The following BNIP1 variants were observed in gnomAD, a reference collection of about 807,000 sequenced individuals.
BNIP1 encodes the protein BCL2 interacting protein 1, also known as vesicle transport protein SEC20.
In BNIP1, 25 loss-of-function variants were observed where a neutral mutation model predicts 28.5. That is an observed-to-expected ratio of 0.88 (90% confidence interval 0.64 to 1.23). The LOEUF is 1.23. Among genes scored for constraint, BNIP1 ranks in the 50% most tolerant of loss-of-function variants. The probability of loss-of-function intolerance (pLI) is 0.00; values close to 1 mark genes in which losing one functional copy is unlikely to be tolerated. For synonymous variants in BNIP1, 118 were observed against 101.7 expected (o/e 1.16, Z -0.96); for missense variants, 276 against 277.0 (o/e 1.00, Z 0.02).
chr5:173,146,914 A>C lies in BNIP1; in HGVS notation c.133A>C (p.Thr45Pro). The C allele has an allele frequency of 6.2e-7, 1 of 1,614,098 alleles. No individual in the cohort carries two copies. Among genetic ancestry groups the C allele is most frequent in the Non-Finnish European group, 8.5e-7 (1 of 1,179,972 alleles). ...GPLSALTELNTKVKEKFQQLR... is the reference protein window; with the variant it reads ...GPLSALTELNPKVKEKFQQLR... ...CTTAAGTGCTCTTACTGAACTGAAT[A>C]CTAAAGTAAAAGAGAAATTTCAACA... The change falls in exon 2 of 6, where the codon ACT becomes CCT. Residue 45 changes from threonine (T) to proline (P), a missense_variant. Coordinates refer to ENST00000351486, the MANE Select transcript of BNIP1 (RefSeq NM_001205.3).
intron 2 of BNIP1, chr5:173,151,447 C>T: frequency 3.8e-6 from 4 of 1,048,694 alleles, no homozygotes; most frequent in South Asian, 3.3e-5. Flanking sequence ...GACTTGAACT[C>T]CTGGACTCAA....
At chr5:173,159,441 T>C (rs1760298916) in intron 4 of BNIP1, among the ~76,000 whole-genome samples, 1 of 151,662 alleles carries the variant, frequency 6.6e-6, no homozygotes, top group Non-Finnish European at 1.5e-5. Flanking sequence ...TACATAAAAT[T>C]TCATATTCTG....
chr5:173,163,071 A>C (rs1760408115), intron 5 of BNIP1, among the ~76,000 whole-genome samples: 1 of 152,158 alleles, frequency 6.6e-6, no homozygotes, highest in Non-Finnish European at 1.5e-5. Flanking sequence ...CGCCAGGTAC[A>C]CCTTCTACCC....
intron 3 of BNIP1, among the ~76,000 whole-genome samples, chr5:173,155,043 G>GA (rs1324774790): frequency 6.6e-6 from 1 of 152,040 alleles, no homozygotes; most frequent in Admixed American, 6.6e-5. Context: ...ATTGGTACCA[G>GA]AAAAAATCTA....
chr5:173,154,353 A>G lies in BNIP1; in HGVS notation c.209A>G (p.Lys70Arg), dbSNP rs1760117662. ...DLEQLAKEQD[K>R]ESEKQLLLQE... is the part of the protein sequence containing the mutation. ...GAGCAGTTGGCTAAAGAGCAAGACA[A>G]AGAATCAGAGAAACAACTTCTACTC... The change falls in exon 3 of 6, where the codon AAA (lysine) becomes AGA (arginine). Residue 70 changes from lysine (K) to arginine (R), a missense_variant. Physicochemically the swap from Lys to Arg is conservative, Grantham distance 26. Transcript: ENST00000351486. 1 of 1,613,942 alleles carries G rather than the reference A, an allele frequency of 6.2e-7. No homozygotes were observed. Among genetic ancestry groups the G allele is most frequent in the African/African-American group, 1.3e-5 (1 of 74,930 alleles).
In BNIP1 at chr5:173,163,901, C is replaced by T. The variant is rs542484667; in HGVS notation, c.667C>T (p.Arg223Trp). 8.7e-6 allele frequency: 14 copies of T among 1,601,604 alleles called. No individual in the cohort carries two copies. The highest frequency in any genetic ancestry group is 2.3e-5 in the South Asian group (2 of 88,700). Reference sequence around the variant, plus strand: ...TACGGTCCTCTATATTGTGAAAAAGCGGCTCTTTCCATTTTTGTGAGATCC... The same window carrying T: ...TACGGTCCTCTATATTGTGAAAAAGTGGCTCTTTCCATTTTTGTGAGATCC... ...LATVLYIVKK[R>W]LFPFL is the part of the protein sequence containing the mutation. Residue 223 changes from arginine (R) to tryptophan (W), a missense_variant, in exon 6 of 6, where the codon CGG becomes TGG. Arg to Trp is a moderately radical substitution (Grantham distance 101, BLOSUM62 -3). Coordinates refer to ENST00000351486, the MANE Select transcript of BNIP1 (RefSeq NM_001205.3).
intron 5 of BNIP1, 68 bp downstream of exon 5, chr5:173,160,119 T>A: frequency 9.8e-6 from 14 of 1,431,728 alleles, no homozygotes; most frequent in Non-Finnish European, 1.4e-5. Flanking sequence ...CCCTGGCACC[T>A]CCACTCTGGG....
At chr5:173,154,435 C>T (rs1415237369) in intron 3 of BNIP1, 22 bp downstream of exon 3, 1 of 1,594,464 alleles carries the variant, frequency 6.3e-7, no homozygotes, top group East Asian at 2.2e-5. Context: ...CTGCCCCCGC[C>T]AGCGGCTTCT....
chr5:173,160,615 C>CAGAG (rs1315232928), intron 5 of BNIP1, among the ~76,000 whole-genome samples: 1 of 152,116 alleles, frequency 6.6e-6, no homozygotes, highest in Non-Finnish European at 1.5e-5. Flanking sequence ...ATGTGAAAGG[C>CAGAG]AGAGGTCCCA....
At chr5:173,162,660 T>A (rs1169241858) in intron 5 of BNIP1, among the ~76,000 whole-genome samples, 1 of 151,498 alleles carries the variant, frequency 6.6e-6, no homozygotes, top group African/African-American at 2.4e-5. Flanking sequence ...ATTGTGTGGG[T>A]TTGACACTTA....
intron 4 of BNIP1, among the ~76,000 whole-genome samples, chr5:173,159,462 A>C (rs565647545): frequency 7.0e-6 from 1 of 143,804 alleles, no homozygotes; most frequent in African/African-American, 2.6e-5. Context: ...CTGTTTCAGC[A>C]CAAAAGTTGT....
intron 1 of BNIP1, 135 bp downstream of exon 1, chr5:173,144,764 AC>A (rs1000062343): frequency 6.3e-5 from 53 of 841,856 alleles, no homozygotes; most frequent in African/African-American, 1.6e-4. Flanking sequence ...ATGGTCGGCT[AC>A]CCCCCCGGTC....
chr5:173,158,677 C>T (rs1210562855), intron 3 of BNIP1, 67 bp from the exon 4 acceptor site: 3 of 1,291,396 alleles, frequency 2.3e-6, no homozygotes, highest in Non-Finnish European at 3.3e-6. Flanking sequence ...GGGGGAAGTG[C>T]TGTGAATTGA....
intron 3 of BNIP1, among the ~76,000 whole-genome samples, chr5:173,156,126 G>A (rs1447829376): frequency 1.3e-5 from 2 of 152,158 alleles, no homozygotes; most frequent in Non-Finnish European, 2.9e-5. Context: ...TATGAGTGGT[G>A]GGCAGTGATC....
chr5:173,144,779 A>C (rs1278788567), intron 1 of BNIP1, 150 bp downstream of exon 1: 3 of 797,268 alleles, frequency 3.8e-6, no homozygotes, highest in South Asian at 1.8e-5. Context: ...CCCGGTCCCC[A>C]TTTGGTTGTG....
intron 2 of BNIP1, chr5:173,151,827 C>T (rs1760031592): frequency 1.1e-5 from 15 of 1,322,080 alleles, no homozygotes; most frequent in Admixed American, 2.6e-5. Context: ...ACCTAATAAG[C>T]ACATGGCCAG....
At chr5:173,145,838 C>G (rs1759820022) in intron 1 of BNIP1, among the ~76,000 whole-genome samples, 1 of 152,066 alleles carries the variant, frequency 6.6e-6, no homozygotes, top group Admixed American at 6.5e-5. Context: ...CAGAATAAAC[C>G]AAATTAGATG....
chr5:173,151,546 A>ATTTTT, intron 2 of BNIP1: 6 of 1,441,284 alleles, frequency 4.2e-6, no homozygotes, highest in East Asian at 2.4e-5. Flanking sequence ...AATAACTGTC[A>ATTTTT]TTTTTTTTTT....
chr5:173,147,359 C>T (rs1276494056), intron 2 of BNIP1, among the ~76,000 whole-genome samples: 4 of 151,590 alleles, frequency 2.6e-5, no homozygotes, highest in Admixed American at 1.3e-4. Flanking sequence ...GAGCCGAGAT[C>T]GAGCCACTGC....
Sources: gnomAD v4.1 joint callset for allele counts (sites outside exome capture counted in the v4.1 genomes callset) on GRCh38, gnomAD v4.1.1 for gene constraint, MANE v1.5 for transcripts, NCBI Gene and HGNC (gene_info 2026-07-23, HGNC 2026-07-21) for gene names.